Variants in LSM3 observed in about 807,000 individuals in gnomAD.
LSM3 encodes the protein U6 snRNA-associated Sm-like protein LSm3.
LSM3 carries 14 observed loss-of-function variants against 15.4 expected under a neutral mutation model. The observed-to-expected ratio is 0.91, with a 90% confidence interval of 0.60 to 1.42. The LOEUF is 1.42. LSM3 is among the 40% of genes most tolerant of loss of function. LSM3 has a pLI of 0.00. For missense variants in LSM3, 88 were observed against 127.9 expected (o/e 0.69, Z 1.50); for synonymous variants, 46 against 45.1 (o/e 1.02, Z -0.08).
intron 3 of LSM3, among the ~76,000 whole-genome samples, chr3:14,186,835 G>T (rs866405185): frequency 5.3e-5 from 8 of 152,178 alleles, no homozygotes; most frequent in Admixed American, 2.0e-4. Flanking sequence ...GATAAAAAAA[G>T]AATTGTGTCA....
At chr3:14,194,677 A>G (rs2733546) in intron 3 of LSM3, among the ~76,000 whole-genome samples, 98,090 of 151,314 alleles carry the variant, frequency 0.65, 32,104 homozygotes, top group African/African-American at 0.73. Context: ...GTCACCTATC[A>G]GACACACATG....
intron 3 of LSM3, among the ~76,000 whole-genome samples, chr3:14,186,206 T>C (rs1697088126): frequency 6.6e-6 from 1 of 152,216 alleles, no homozygotes; most frequent in Non-Finnish European, 1.5e-5. Flanking sequence ...AGAAAGGTCT[T>C]TAAGATTTGG....
At chr3:14,183,408 A>G (rs751698493) in intron 2 of LSM3, among the ~76,000 whole-genome samples, 6 of 152,250 alleles carry the variant, frequency 3.9e-5, no homozygotes, top group Non-Finnish European at 7.3e-5. Flanking sequence ...TGGATAGGTT[A>G]GAAATGGGCA....
At chr3:14,195,199 A>C (rs990350282) in intron 3 of LSM3, among the ~76,000 whole-genome samples, 2 of 152,198 alleles carry the variant, frequency 1.3e-5, no homozygotes, top group African/African-American at 4.8e-5. Context: ...CAGTGGGAAC[A>C]AAAAGGAGTA....
At position 14,193,364 on chromosome 3, in the gene LSM3, A is replaced by C. The variant is rs541362423; in HGVS notation, c.229-4672A>C. On this transcript the variant is annotated intron_variant, in intron 3 of 3. Coordinates refer to ENST00000306024, the MANE Select transcript of LSM3 (RefSeq NM_014463.3). ...GGAAGTTCTCCTGGATAATATCCTG[A>C]AGAGTGTTTTCCAACTTGGTTCCAT... Among the ~76,000 whole-genome samples the C allele has an allele frequency of 2.6e-5, 4 of 152,184 alleles. No individual in the cohort carries two copies. The South Asian group carries it at 8.3e-4, about 32-fold the overall frequency.
rs1559394241 is a variant in LSM3, at chr3:14,199,325, A to G, written c.*1209A>G. 1 of 152,230 alleles carries G rather than the reference A, an allele frequency of 6.6e-6. No individual in the cohort carries two copies. The highest frequency in any genetic ancestry group is 1.5e-5 in the Non-Finnish European group (1 of 68,040). The allele number at this position is 152,230 out of a possible 1,614,324, so 9.4% of individuals were successfully genotyped here. On this transcript the variant is annotated 3_prime_UTR_variant, in exon 4 of 4. Transcript: ENST00000306024. ...AGTAAAAGCGTGTTACAATCTCTCA[A>G]ACTTTATCAAGACAGGGCTTAGAAC...
intron 2 of LSM3, among the ~76,000 whole-genome samples, 171 bp from the exon 3 acceptor site, chr3:14,183,766 T>G (rs1232945192): frequency 1.3e-5 from 2 of 152,224 alleles, no homozygotes; most frequent in Non-Finnish European, 2.9e-5. Flanking sequence ...AAGTGACTTG[T>G]GAAGAAACAG....
chr3:14,192,572 T>G (rs1269354735), intron 3 of LSM3, among the ~76,000 whole-genome samples: 1 of 152,248 alleles, frequency 6.6e-6, no homozygotes, highest in Non-Finnish European at 1.5e-5. Context: ...TGGTTTAAAG[T>G]CTGTTTTATT....
intron 3 of LSM3, 31 bp downstream of exon 3, chr3:14,184,063 C>T: frequency 6.3e-7 from 1 of 1,583,854 alleles, no homozygotes; most frequent in Admixed American, 1.8e-5. Flanking sequence ...CATTGCTTTG[C>T]AAATATCAGC....
intron 3 of LSM3, among the ~76,000 whole-genome samples, chr3:14,184,440 A>T (rs758256936): frequency 1.3e-5 from 2 of 152,134 alleles, no homozygotes; most frequent in East Asian, 1.9e-4. Flanking sequence ...AAACTGAAAA[A>T]TTTTTTAAAT....
intron 2 of LSM3, among the ~76,000 whole-genome samples, chr3:14,182,758 A>G (rs1207519881): frequency 2.0e-5 from 3 of 152,240 alleles, no homozygotes; most frequent in Non-Finnish European, 2.9e-5. Context: ...TAACAACCCT[A>G]TGATGATACA....
chr3:14,185,394 A>G (rs1697079808), intron 3 of LSM3, among the ~76,000 whole-genome samples: 1 of 152,146 alleles, frequency 6.6e-6, no homozygotes, highest in Non-Finnish European at 1.5e-5. Flanking sequence ...ATCACGTGTT[A>G]CTGTAAGTAA....
At chr3:14,186,300 C>T (rs781015764) in intron 3 of LSM3, among the ~76,000 whole-genome samples, 1 of 152,212 alleles carries the variant, frequency 6.6e-6, no homozygotes, top group Admixed American at 6.5e-5. Context: ...AATTTTGACT[C>T]CCTTGCTTAC....
chr3:14,178,829 CGA>C lies in LSM3; in HGVS notation c.-28_-27del, dbSNP rs760048484. ...GATTGACGTTGCTCTTGTGTTCTCG[CGA>C]GAGGCGGGAAAGGGCGCAGGGTTTG... On this transcript the variant is annotated 5_prime_UTR_variant, in exon 1 of 4. Coordinates refer to ENST00000306024, the MANE Select transcript of LSM3 (RefSeq NM_014463.3). The C allele has an allele frequency of 2.5e-6, 4 of 1,614,118 alleles. No individual in the cohort carries two copies. In the East Asian group the frequency reaches 8.9e-5, roughly 36 times the overall value.
chr3:14,187,315 C>T (rs1449808873), intron 3 of LSM3, among the ~76,000 whole-genome samples: 2 of 152,212 alleles, frequency 1.3e-5, no homozygotes, highest in East Asian at 3.9e-4. Context: ...AGCTCCTGAA[C>T]GCTGCGTGCT....
chr3:14,184,023 GAT>G lies in LSM3; in HGVS notation c.225_226del (p.Tyr75Ter). On this transcript the variant is annotated frameshift_variant, in exon 3 of 4. Transcript: ENST00000306024. LOFTEE classifies it high-confidence loss of function. Reference protein sequence around the residue: ...IEIDEETYEEIYKSTKRNIPM... With the variant: ...IEIDEETYEEXYKSTKRNIPM... ...AAATTGATGAAGAAACATATGAAGAGATATATAAAGTAAGTCATGCAATTCTA... is the reference window on the plus strand; with the variant it reads ...AAATTGATGAAGAAACATATGAAGAGATATAAAGTAAGTCATGCAATTCTA... 6.2e-7 allele frequency: 1 copy of G among 1,606,566 alleles called. No individual in the cohort carries two copies. Among genetic ancestry groups the G allele is most frequent in the Non-Finnish European group, 8.5e-7 (1 of 1,177,860 alleles).
chr3:14,181,542 TC>T lies in LSM3; in HGVS notation c.22-16del. 1 of 1,511,060 alleles carries T rather than the reference TC, an allele frequency of 6.6e-7. No homozygotes were observed. The highest frequency in any genetic ancestry group is 9.2e-7 in the Non-Finnish European group (1 of 1,086,270). The allele number at this position is 1,511,060 out of a possible 1,614,324, so 93.6% of individuals were successfully genotyped here. A position where few individuals can be genotyped will look rare whatever the true frequency, so the allele number is the denominator to read the frequency against. On this transcript the variant is annotated splice_polypyrimidine_tract_variant and intron_variant, in intron 1 of 3. Coordinates refer to ENST00000306024, the MANE Select transcript of LSM3 (RefSeq NM_014463.3). ...TCTGACTCTAGTACTACATTACTAA[TC>T]CTGTTTCTTTTATCAGCAACAAACT...
chr3:14,181,656 C>T lies in LSM3; in HGVS notation c.118C>T (p.Arg40Ter), dbSNP rs748145947. ...YVKMRNDREL[R>*]GRLHAYDQHL... ...GAAAATGAGAAATGACCGAGAGCTT[C>T]GAGGCAGATTACATGTAAGTAAATT... Residue 40 changes from arginine to a stop codon, truncating the protein, a stop_gained, in exon 2 of 4, where the codon CGA (arginine) becomes TGA (stop). Coordinates refer to ENST00000306024, the MANE Select transcript of LSM3 (RefSeq NM_014463.3). LOFTEE classifies it high-confidence loss of function. 6 of 1,611,850 alleles carry T rather than the reference C, an allele frequency of 3.7e-6. No individual in the cohort carries two copies. The highest frequency in any genetic ancestry group is 4.5e-5 in the East Asian group (2 of 44,864).
intron 3 of LSM3, among the ~76,000 whole-genome samples, chr3:14,188,129 A>G (rs779835580): frequency 1.2e-4 from 18 of 152,226 alleles, no homozygotes; most frequent in Non-Finnish European, 2.5e-4. Flanking sequence ...TGCAGCAGTG[A>G]AAATTTCTAT....
Sources: gnomAD v4.1 joint callset for allele counts (sites outside exome capture counted in the v4.1 genomes callset) on GRCh38, gnomAD v4.1.1 for gene constraint, MANE v1.5 for transcripts, NCBI Gene and HGNC (gene_info 2026-07-23, HGNC 2026-07-21) for gene names.